NBPF11: variants seen among roughly 807,000 people sequenced by gnomAD.
NBPF11 encodes NBPF family member NBPF11.
NBPF11 carries 72 observed loss-of-function variants against 93.9 expected under a neutral mutation model. The ratio of observed to expected loss-of-function variants is 0.77; its 90% CI spans 0.63 to 0.93. The LOEUF (loss-of-function observed/expected upper bound fraction) is 0.93, where lower values mean the gene tolerates loss of function less well. Ranked by LOEUF, NBPF11 falls within the 40% of genes least tolerant of loss-of-function variation. NBPF11 has a pLI of 0.00. For missense variants in NBPF11, 705 were observed against 802.2 expected, an observed-to-expected ratio of 0.88 and a Z score of 1.46; for synonymous variants, 224 against 304.9, an observed-to-expected ratio of 0.73 and a Z score of 2.76.
In NBPF11 at chr1:148,151,815, C is replaced by G. The variant is rs1178176458; in HGVS notation, c.-614G>C. 10 of 152,260 alleles carry G rather than the reference C, an allele frequency of 6.6e-5. No individual in the cohort carries two copies. Among genetic ancestry groups the G allele is most frequent in the African/African-American group, 1.7e-4 (7 of 41,446 alleles). 9.4% of individuals were successfully genotyped at this position (152,260 alleles called of 1,614,324 possible). ...CCCATCCAGGCTGCAGCCGTGCCGCCGTACCTCGGCCCCGCTCCTGGCGCC... is the reference window on the plus strand; with the variant it reads ...CCCATCCAGGCTGCAGCCGTGCCGCGGTACCTCGGCCCCGCTCCTGGCGCC... On this transcript the variant is annotated 5_prime_UTR_variant, in exon 1 of 24. Coordinates refer to ENST00000682118, the MANE Select transcript of NBPF11 (RefSeq NM_001385469.3).
chr1:148,118,373 A>T (rs1667057158), intron 11 of NBPF11, among the ~76,000 whole-genome samples: 1 of 151,576 alleles, frequency 6.6e-6, no homozygotes, highest in South Asian at 2.1e-4. Context: ...ATTTTGTGTT[A>T]TGTAAATTTC....
At chr1:148,146,312 C>G (rs1464646802) in intron 1 of NBPF11, 2 of 1,375,412 alleles carry the variant, frequency 1.5e-6, no homozygotes, top group Non-Finnish European at 1.9e-6. Context: ...ACTCGGAGCA[C>G]CCCACCCCTC....
At chr1:148,120,973 T>C (rs1301394258) in intron 9 of NBPF11, among the ~76,000 whole-genome samples, 7 of 152,074 alleles carry the variant, frequency 4.6e-5, no homozygotes, top group African/African-American at 7.3e-5. Flanking sequence ...GAGATTTTTA[T>C]CCCATGAGTG....
rs1419907564 is a variant in NBPF11, at chr1:148,124,982, G to A, written c.195C>T (p.Asp65=). 1.8e-5 allele frequency: 29 copies of A among 1,596,610 alleles called. No homozygotes were observed. The highest frequency in any genetic ancestry group is 2.2e-5 in the Non-Finnish European group (26 of 1,168,442). The part of the protein sequence containing the change: ...QKKYKYEECK[D]LIKFMLRNER... ...CATTCCTCAGCATAAATTTTATGAGGTCTTTACACTCTTCATACTCTGAGA... is the reference window on the plus strand; with the variant it reads ...CATTCCTCAGCATAAATTTTATGAGATCTTTACACTCTTCATACTCTGAGA... Residue 65 remains aspartate, a synonymous_variant, in exon 6 of 24, where the codon GAC becomes GAT. Transcript: ENST00000682118.
chr1:148,141,527 T>A (rs1489484013), intron 2 of NBPF11, among the ~76,000 whole-genome samples: 1 of 152,080 alleles, frequency 6.6e-6, no homozygotes, highest in Non-Finnish European at 1.5e-5. Flanking sequence ...TTTGGTGGCA[T>A]CCTGTTATTG....
Position 148,122,585 on chromosome 1 carries a change from C to A in NBPF11, c.566+144G>T. The A allele has an allele frequency of 8.9e-6, 11 of 1,237,414 alleles. No individual in the cohort carries two copies. The South Asian group carries it at 1.3e-4, about 15-fold the overall frequency. The allele number at this position is 1,237,414 out of a possible 1,614,324, so 76.7% of individuals were successfully genotyped here. On this transcript the variant is annotated intron_variant, in intron 8 of 23. Coordinates refer to ENST00000682118, the MANE Select transcript of NBPF11 (RefSeq NM_001385469.3). ...AGAGAAACACAACAGCTGCCGCACC[C>A]TGTGTCTAAGCTGGGTTGAATTTCA...
In NBPF11 at chr1:148,103,902, C is replaced by T. The variant is rs1478955538; in HGVS notation, c.2592G>A (p.Ala864=). The T allele has an allele frequency of 5.2e-4, 833 of 1,610,862 alleles. 6 individuals carry two copies. Among genetic ancestry groups the T allele is most frequent in the Admixed American group, 7.0e-4 (42 of 59,994 alleles). The change falls in exon 24 of 24, where the codon GCG becomes GCA. Residue 864 remains alanine (A), a synonymous_variant. Coordinates refer to ENST00000682118, the MANE Select transcript of NBPF11 (RefSeq NM_001385469.3). ...IKTHHAPGSA[A]C is the part of the protein sequence containing the mutation. ...TCAGGCACTTCCACTTCCATCAGCA[C>T]GCTGCTGAGCCTGGAAAAGGAGACA... is the stretch of plus-strand genomic sequence containing the variant.
intron 21 of NBPF11, among the ~76,000 whole-genome samples, 195 bp from the exon 22 acceptor site, chr1:148,105,723 C>G (rs1489546123): frequency 8.1e-4 from 40 of 49,268 alleles, no homozygotes; most frequent in Non-Finnish European, 1.3e-3. Context: ...GAAAGACAGA[C>G]ACACACACAC....
intron 1 of NBPF11, among the ~76,000 whole-genome samples, chr1:148,145,129 A>G (rs1672785487): frequency 6.7e-6 from 1 of 148,930 alleles, no homozygotes; most frequent in South Asian, 2.1e-4. Context: ...AAACTAAAAT[A>G]AAATTGCTAT....
intron 17 of NBPF11, 67 bp from the exon 18 acceptor site, chr1:148,108,721 T>A: frequency 1.3e-6 from 1 of 786,538 alleles, no homozygotes; most frequent in South Asian, 1.4e-5. Flanking sequence ...CCCAGCTAGA[T>A]TTCATGGCTA....
chr1:148,136,486 A>G (rs1671303689), intron 3 of NBPF11, among the ~76,000 whole-genome samples: 1 of 150,676 alleles, frequency 6.6e-6, no homozygotes, highest in South Asian at 2.1e-4. Context: ...AAACATTTTG[A>G]GTGCAATAGG....
At position 148,139,839 on chromosome 1, in the gene NBPF11, G is replaced by C. The variant is rs1671900062; in HGVS notation, c.-276-2030C>G. Among the ~76,000 whole-genome samples, 3 of 148,698 alleles carry C rather than the reference G, an allele frequency of 2.0e-5. No homozygotes were observed. In the South Asian group the frequency reaches 6.4e-4, roughly 32 times the overall value. ...CTACTGGGGACAGCAAGTGGGAGGA[G>C]CACTTAAATGATATTGACAGGTTAC... On this transcript the variant is annotated intron_variant, in intron 2 of 23. Transcript: ENST00000682118.
intron 1 of NBPF11, among the ~76,000 whole-genome samples, chr1:148,151,308 G>C (rs1648253515): frequency 6.6e-6 from 1 of 151,938 alleles, no homozygotes; most frequent in Non-Finnish European, 1.5e-5. Context: ...CCAGCCTGGA[G>C]ACACCGCCAG....
chr1:148,113,441 C>A (rs1665782005), intron 15 of NBPF11, among the ~76,000 whole-genome samples: 1 of 147,318 alleles, frequency 6.8e-6, no homozygotes, highest in African/African-American at 2.6e-5. Flanking sequence ...ATATATGCAC[C>A]CTATACAGGA....
intron 10 of NBPF11, among the ~76,000 whole-genome samples, chr1:148,119,859 T>C (rs1285674340): frequency 6.6e-6 from 1 of 152,064 alleles, no homozygotes; most frequent in Non-Finnish European, 1.5e-5. Context: ...TTTCTCCATG[T>C]TGCCCAGGCT....
chr1:148,147,817 A>G lies in NBPF11; in HGVS notation c.-549+3933T>C, dbSNP rs1284866165. 1.4e-4 allele frequency among the ~76,000 whole-genome samples: 22 copies of G among 151,998 alleles called. No individual in the cohort carries two copies. The East Asian group carries it at 2.7e-3, about 19-fold the overall frequency. Reference sequence around the variant, plus strand: ...GGACGCTGACACCAATCACCACTTCATGCGGCTTCCTCGGCCCCTCCTGTC... The same window carrying G: ...GGACGCTGACACCAATCACCACTTCGTGCGGCTTCCTCGGCCCCTCCTGTC... On this transcript the variant is annotated intron_variant, in intron 1 of 23. Transcript: ENST00000682118.
intron 5 of NBPF11, 28 bp downstream of exon 5, chr1:148,126,799 CTT>C: frequency 6.2e-7 from 1 of 1,600,662 alleles, no homozygotes; most frequent in Admixed American, 1.7e-5. Context: ...ACATTCATCA[CTT>C]TCATGATGGT....
intron 2 of NBPF11, among the ~76,000 whole-genome samples, chr1:148,138,459 G>T (rs1181663427): frequency 6.6e-6 from 1 of 151,046 alleles, no homozygotes; most frequent in Non-Finnish European, 1.5e-5. Context: ...GACATGGGGA[G>T]AAACCTTGGA....
chr1:148,120,745 A>C (rs1266695801), intron 9 of NBPF11, 35 bp from the exon 10 acceptor site: 1 of 1,390,412 alleles, frequency 7.2e-7, no homozygotes, highest in African/African-American at 1.4e-5. Context: ...TGATGGGTTA[A>C]AAACTGGTGA....
Sources: allele counts gnomAD v4.1 joint callset (sites outside exome capture counted in the v4.1 genomes callset), GRCh38; gene constraint gnomAD v4.1.1; transcripts MANE v1.5; gene names NCBI Gene and HGNC (gene_info 2026-07-23, HGNC 2026-07-21).